ASF1A: variants seen among roughly 807,000 people sequenced by gnomAD.
The protein encoded by ASF1A is histone chaperone ASF1A.
Under a neutral mutation model 22.0 loss-of-function variants are expected in ASF1A, and 5 were observed. That is an observed-to-expected ratio of 0.23 (90% CI 0.12 to 0.48). ASF1A has a LOEUF of 0.48. Ranked by LOEUF, ASF1A falls within the 20% of genes least tolerant of loss-of-function variation. ASF1A has a pLI of 0.99. For synonymous variants in ASF1A, 97 were observed against 86.7 expected, an observed-to-expected ratio of 1.12 and a Z score of -0.66; for missense variants, 137 against 240.6, an observed-to-expected ratio of 0.57 and a Z score of 2.85.
At chr6:118,894,989 G>A (rs1047668114) in intron 1 of ASF1A, among the ~76,000 whole-genome samples, 13 of 149,878 alleles carry the variant, frequency 8.7e-5, no homozygotes, top group Admixed American at 2.0e-4. Flanking sequence ...CAGCGACCCC[G>A]GCGCACGGCG....
intron 2 of ASF1A, among the ~76,000 whole-genome samples, chr6:118,902,631 C>T (rs564793429): frequency 3.3e-5 from 5 of 151,354 alleles, no homozygotes; most frequent in Middle Eastern, 3.4e-3. Context: ...AAGCATACTC[C>T]TAAGCTTTTG....
chr6:118,902,595 C>T (rs1779880016), intron 2 of ASF1A, among the ~76,000 whole-genome samples: 1 of 150,928 alleles, frequency 6.6e-6, no homozygotes, highest in Non-Finnish European at 1.5e-5. Flanking sequence ...GAAACAAACC[C>T]TTGAAAATCT....
chr6:118,895,076 C>G (rs560723238), intron 1 of ASF1A, among the ~76,000 whole-genome samples: 1 of 152,216 alleles, frequency 6.6e-6, no homozygotes, highest in African/African-American at 2.4e-5. Context: ...GTGGAGTCGC[C>G]GCACTCTCCG....
intron 1 of ASF1A, among the ~76,000 whole-genome samples, chr6:118,895,038 G>A (rs1779278359): frequency 6.6e-6 from 1 of 152,198 alleles, no homozygotes; most frequent in African/African-American, 2.4e-5. Flanking sequence ...CCCGGCGAAA[G>A]GCAGGCAGGC....
rs957293290 is a variant in ASF1A at position 118,907,496 on chromosome 6, G to A, written c.497G>A (p.Ser166Asn). ...NTEKLEDAES[S>N]NPNLQSLLST... is the part of the protein sequence containing the mutation. ...GAAAAACTGGAAGATGCAGAGAGCA[G>A]TAATCCAAATCTACAGTCACTTCTT... is the stretch of plus-strand genomic sequence containing the variant. Residue 166 changes from serine to asparagine, a missense_variant, in exon 4 of 4, where the codon AGT becomes AAT. By Grantham distance (46) the Ser-to-Asn change is conservative. This residue lies in a region of ASF1A where 41 missense variants were observed against 43.9 expected (regional missense o/e 0.93). Transcript: ENST00000229595. The A allele has an allele frequency of 1.9e-6, 3 of 1,613,482 alleles. No homozygotes were observed. Among genetic ancestry groups the A allele is most frequent in the Non-Finnish European group, 2.5e-6 (3 of 1,179,676 alleles).
At position 118,909,132 on chromosome 6, in the gene ASF1A, A is replaced by C. The variant is rs1780363296; in HGVS notation, c.*1518A>C. 1 of 152,212 alleles carries C rather than the reference A, an allele frequency of 6.6e-6. No homozygotes were observed. The highest frequency in any genetic ancestry group is 1.5e-5 in the Non-Finnish European group (1 of 68,028). The allele number at this position is 152,212 out of a possible 1,614,324, so 9.4% of individuals were successfully genotyped here. A position where few individuals can be genotyped will look rare whatever the true frequency, so the allele number is the denominator to read the frequency against. On this transcript the variant is annotated 3_prime_UTR_variant, in exon 4 of 4. Transcript: ENST00000229595. ...AATTGCAATTAAAAGAAAAATGTTA[A>C]AATATTAAAATGAAAATAAAAGCAT...
At chr6:118,894,672 G>A (rs533485421) in intron 1 of ASF1A, 150 bp downstream of exon 1, 17 of 682,886 alleles carry the variant, frequency 2.5e-5, no homozygotes, top group Middle Eastern at 4.1e-4. Flanking sequence ...GATGGACGAC[G>A]GCCGCCGAGG....
intron 2 of ASF1A, among the ~76,000 whole-genome samples, chr6:118,904,502 T>C (rs996189482): frequency 6.6e-6 from 1 of 152,220 alleles, no homozygotes; most frequent in African/African-American, 2.4e-5. Flanking sequence ...GCCTCAGCCA[T>C]CACTGCCTGT....
chr6:118,894,200 A>C lies in ASF1A; in HGVS notation c.-214A>C. The C allele has an allele frequency of 7.3e-7, 1 of 1,378,042 alleles. No homozygotes were observed. Among genetic ancestry groups the C allele is most frequent in the South Asian group, 1.7e-5 (1 of 59,454 alleles). 85.4% of individuals were successfully genotyped at this position (1,378,042 alleles called of 1,614,324 possible). A position where few individuals can be genotyped will look rare whatever the true frequency, so the allele number is the denominator to read the frequency against. On this transcript the variant is annotated 5_prime_UTR_variant, in exon 1 of 4. Coordinates refer to ENST00000229595, the MANE Select transcript of ASF1A (RefSeq NM_014034.3). ...GGGCAACGCTGCTACTTATCAGAGC[A>C]GAATGGGCTGTAGTTTAGTGAAATA...
intron 1 of ASF1A, among the ~76,000 whole-genome samples, chr6:118,898,158 ATTAC>A (rs377741717): frequency 1.4e-4 from 22 of 152,332 alleles, no homozygotes; most frequent in African/African-American, 5.0e-4. Context: ...ATTTGTGTAG[ATTAC>A]TTAACCTCTC....
chr6:118,895,330 T>C (rs1198647223), intron 1 of ASF1A, among the ~76,000 whole-genome samples: 3 of 152,022 alleles, frequency 2.0e-5, no homozygotes, highest in Non-Finnish European at 4.4e-5. Context: ...TTTCCCCTAA[T>C]GACGAAAAGC....
intron 2 of ASF1A, among the ~76,000 whole-genome samples, chr6:118,905,343 G>A (rs577089077): frequency 2.8e-4 from 34 of 122,620 alleles, no homozygotes; most frequent in Non-Finnish European, 5.0e-4. Flanking sequence ...GACTATAAAG[G>A]TTTTATAATG....
At chr6:118,906,506 C>T (rs1433864864) in intron 3 of ASF1A, among the ~76,000 whole-genome samples, 1 of 152,142 alleles carries the variant, frequency 6.6e-6, no homozygotes, top group Non-Finnish European at 1.5e-5. Flanking sequence ...ACTAATTATT[C>T]AATGATGATA....
Position 118,894,401 on chromosome 6 carries a change from T to C in ASF1A, c.-13T>C, listed in dbSNP as rs1779199350. ...CCAGCCCCAGTTCCCATTGTTTGTGTTTTTTTCAAAATATGGCAAAGGTTC... is the reference window on the plus strand; with the variant it reads ...CCAGCCCCAGTTCCCATTGTTTGTGCTTTTTTCAAAATATGGCAAAGGTTC... On this transcript the variant is annotated 5_prime_UTR_variant, in exon 1 of 4. Coordinates refer to ENST00000229595, the MANE Select transcript of ASF1A (RefSeq NM_014034.3). 1.1e-5 allele frequency: 17 copies of C among 1,536,852 alleles called. No homozygotes were observed. Among genetic ancestry groups the C allele is most frequent in the Non-Finnish European group, 1.4e-5 (16 of 1,146,696 alleles).
chr6:118,904,330 C>T (rs748247446), intron 2 of ASF1A, among the ~76,000 whole-genome samples: 1 of 152,168 alleles, frequency 6.6e-6, no homozygotes, highest in Non-Finnish European at 1.5e-5. Flanking sequence ...TATCATCTAC[C>T]TGTGTTAGGC....
chr6:118,898,844 C>A (rs1021761829), intron 1 of ASF1A, among the ~76,000 whole-genome samples: 2 of 152,208 alleles, frequency 1.3e-5, no homozygotes, highest in Admixed American at 6.5e-5. Context: ...TGTTTTGTAA[C>A]TTAATTTGTC....
chr6:118,898,884 T>C lies in ASF1A; in HGVS notation c.110-1882T>C, dbSNP rs1254934661. On this transcript the variant is annotated intron_variant, in intron 1 of 3. Transcript: ENST00000229595. ...TATCTTTGGAGGGCTCAAATCTCAC[T>C]CCCTAGAGCAAGCCCATGTATTTTT... is the stretch of plus-strand genomic sequence containing the variant. 2.6e-5 allele frequency among the ~76,000 whole-genome samples: 4 copies of C among 152,214 alleles called. No homozygotes were observed. In the East Asian group the frequency reaches 7.7e-4, roughly 29 times the overall value.
chr6:118,896,488 G>A (rs1779427732), intron 1 of ASF1A, among the ~76,000 whole-genome samples: 2 of 152,110 alleles, frequency 1.3e-5, no homozygotes, highest in Admixed American at 6.5e-5. Context: ...GATGAAACCA[G>A]CCATTCATAA....
chr6:118,895,184 C>T (rs1407410970), intron 1 of ASF1A, among the ~76,000 whole-genome samples: 1 of 151,832 alleles, frequency 6.6e-6, no homozygotes, highest in African/African-American at 2.4e-5. Context: ...CGGGCGCAGG[C>T]TCGGCCCCTC....
Sources: allele counts gnomAD v4.1 joint callset (sites outside exome capture counted in the v4.1 genomes callset), GRCh38; gene constraint gnomAD v4.1.1; regional missense constraint gnomAD v4.1.1; transcripts MANE v1.5; gene names NCBI Gene and HGNC (gene_info 2026-07-23, HGNC 2026-07-21).